Variants in KCNT2 observed in about 807,000 individuals in gnomAD.
KCNT2 encodes the protein potassium sodium-activated channel subfamily T member 2, also known as potassium channel subfamily T member 2.
Under a neutral mutation model 153.8 loss-of-function variants are expected in KCNT2, and 67 were observed. That is an observed-to-expected ratio of 0.44 (90% CI 0.36 to 0.53). KCNT2 has a LOEUF of 0.53. Among genes scored for constraint, KCNT2 ranks in the 20% least tolerant of loss-of-function variants. KCNT2 has a pLI of 0.00. For missense variants in KCNT2, 975 were observed against 1,354.8 expected, an observed-to-expected ratio of 0.72 and a Z score of 4.40; for synonymous variants, 500 against 458.8, an observed-to-expected ratio of 1.09 and a Z score of -1.15.
intron 14 of KCNT2, among the ~76,000 whole-genome samples, chr1:196,348,655 A>G (rs1666344764): frequency 6.6e-6 from 1 of 152,174 alleles, no homozygotes; most frequent in African/African-American, 2.4e-5. Flanking sequence ...AAGTTAAAAA[A>G]TAACAGAATA....
intron 26 of KCNT2, among the ~76,000 whole-genome samples, chr1:196,252,128 C>A (rs1656030061): frequency 6.6e-6 from 1 of 151,622 alleles, no homozygotes; most frequent in Non-Finnish European, 1.5e-5. Flanking sequence ...TCTCTTCCTT[C>A]TTTGAAGTGA....
rs1679078870 is a variant in KCNT2, at chr1:196,482,319, A to G, written c.324+12T>C. 6.4e-7 allele frequency: 1 copy of G among 1,557,230 alleles called. No homozygotes were observed. The highest frequency in any genetic ancestry group is 8.7e-7 in the Non-Finnish European group (1 of 1,143,600). On this transcript the variant is annotated intron_variant, in intron 4 of 27. Transcript: ENST00000294725. ...CCCAGAGATATAGGGATAAAACAAA[A>G]TTGTACATAACCTGTAAGCCCCACA...
chr1:196,405,802 A>G (rs74136538), intron 12 of KCNT2, among the ~76,000 whole-genome samples: 3,033 of 151,628 alleles, frequency 0.02, 91 homozygotes, highest in African/African-American at 0.069. Flanking sequence ...ATTTTTTAAG[A>G]TTACTAGTAT....
At chr1:196,283,726 T>C (rs2147880004) in intron 23 of KCNT2, among the ~76,000 whole-genome samples, 1 of 152,110 alleles carries the variant, frequency 6.6e-6, no homozygotes, top group East Asian at 1.9e-4. Flanking sequence ...AAGTGTTTTT[T>C]AAAAAAGCCA....
rs1257582405 is a variant in KCNT2, at chr1:196,475,972, C to A, written c.384+3207G>T. On this transcript the variant is annotated intron_variant, in intron 5 of 27. Transcript: ENST00000294725. ...ATCTAGCTCTGCATGCTAGGTCTTA[C>A]AATTTTCTGCTCTAATTTTATAAAT... Among the ~76,000 whole-genome samples the A allele has an allele frequency of 2.0e-5, 3 of 152,248 alleles. No homozygotes were observed. The East Asian group carries it at 5.8e-4, about 29-fold the overall frequency.
intron 26 of KCNT2, among the ~76,000 whole-genome samples, chr1:196,253,107 C>A (rs927697939): frequency 6.6e-6 from 1 of 151,188 alleles, no homozygotes; most frequent in Non-Finnish European, 1.5e-5. Context: ...GAGTTCTCAT[C>A]GAATCTGAAA....
chr1:196,462,394 T>C (rs568239462), intron 8 of KCNT2, among the ~76,000 whole-genome samples: 1 of 151,842 alleles, frequency 6.6e-6, no homozygotes, highest in Admixed American at 6.6e-5. Flanking sequence ...GACTCAAGTA[T>C]TAGAAATAGG....
At chr1:196,547,337 C>A (rs1657240304) in intron 1 of KCNT2, among the ~76,000 whole-genome samples, 1 of 151,744 alleles carries the variant, frequency 6.6e-6, no homozygotes, top group African/African-American at 2.4e-5. Context: ...TATTAAAAAC[C>A]TTGCCATTAT....
At chr1:196,585,729 C>T (rs1461525996) in intron 1 of KCNT2, among the ~76,000 whole-genome samples, 1 of 152,082 alleles carries the variant, frequency 6.6e-6, no homozygotes, top group Non-Finnish European at 1.5e-5. Flanking sequence ...TTCACTCACT[C>T]ATCCATTAGG....
intron 1 of KCNT2, among the ~76,000 whole-genome samples, chr1:196,585,107 C>T (rs1662515278): frequency 6.6e-6 from 1 of 151,998 alleles, no homozygotes; most frequent in Admixed American, 6.6e-5. Context: ...GACTTGGAGT[C>T]TAGTTGGAGA....
At chr1:196,379,782 G>A (rs1258733126) in intron 13 of KCNT2, among the ~76,000 whole-genome samples, 1 of 152,120 alleles carries the variant, frequency 6.6e-6, no homozygotes, top group African/African-American at 2.4e-5. Context: ...ACCAGTGAGT[G>A]TGCCAGGCCA....
chr1:196,500,672 A>G (rs1378910040), intron 1 of KCNT2, among the ~76,000 whole-genome samples: 1 of 152,190 alleles, frequency 6.6e-6, no homozygotes, highest in Non-Finnish European at 1.5e-5. Context: ...AAGGCTTGTC[A>G]AACACAACAA....
chr1:196,592,042 A>T (rs116656584), intron 1 of KCNT2, among the ~76,000 whole-genome samples: 4,235 of 152,268 alleles, frequency 0.028, 87 homozygotes, highest in Non-Finnish European at 0.044. Context: ...CTGGCACTAC[A>T]AAGAAGAGGG....
chr1:196,400,824 T>C (rs1307354950), intron 12 of KCNT2, among the ~76,000 whole-genome samples: 1 of 151,734 alleles, frequency 6.6e-6, no homozygotes, highest in African/African-American at 2.4e-5. Context: ...AAGGCCCTAG[T>C]AAACGAACTA....
intron 12 of KCNT2, among the ~76,000 whole-genome samples, chr1:196,420,833 G>C (rs1673139398): frequency 6.6e-6 from 1 of 151,976 alleles, no homozygotes; most frequent in South Asian, 2.1e-4. Context: ...ACTGTAGCTG[G>C]TGTTTCTGAG....
At chr1:196,347,782 T>C (rs1240231858) in intron 14 of KCNT2, among the ~76,000 whole-genome samples, 1 of 152,152 alleles carries the variant, frequency 6.6e-6, no homozygotes, top group East Asian at 1.9e-4. Flanking sequence ...CAAGACACTG[T>C]CTCTTATGTC....
intron 1 of KCNT2, among the ~76,000 whole-genome samples, chr1:196,572,030 C>G (rs1660837562): frequency 6.6e-6 from 1 of 152,048 alleles, no homozygotes; most frequent in Admixed American, 6.6e-5. Flanking sequence ...CTATGTACAC[C>G]TTTGTCCTCT....
At chr1:196,373,552 T>A (rs1445024884) in intron 13 of KCNT2, among the ~76,000 whole-genome samples, 1 of 151,878 alleles carries the variant, frequency 6.6e-6, no homozygotes, top group African/African-American at 2.4e-5. Context: ...AATCTTCCTA[T>A]GCCTAGCAGG....
chr1:196,443,939 T>C (rs1179851690), intron 8 of KCNT2, among the ~76,000 whole-genome samples: 2 of 151,370 alleles, frequency 1.3e-5, no homozygotes, highest in East Asian at 2.0e-4. Flanking sequence ...CTGCTATATT[T>C]ATAGAATTAC....
Sources: gnomAD v4.1 joint callset for allele counts (sites outside exome capture counted in the v4.1 genomes callset) on GRCh38, gnomAD v4.1.1 for gene constraint, MANE v1.5 for transcripts, NCBI Gene and HGNC (gene_info 2026-07-23, HGNC 2026-07-21) for gene names.